The following PLPPR1 variants were observed in gnomAD, a reference collection of about 807,000 sequenced individuals.
The protein encoded by PLPPR1 is phospholipid phosphatase-related protein type 1.
Under a neutral mutation model 33.1 loss-of-function variants are expected in PLPPR1, and 10 were observed. That is an observed-to-expected ratio of 0.30 (90% CI 0.19 to 0.51). PLPPR1 has a LOEUF of 0.51. Among genes scored for constraint, PLPPR1 ranks in the 20% least tolerant of loss-of-function variants. The pLI is 0.97. For synonymous variants in PLPPR1, 151 were observed against 151.0 expected (o/e 1.00, Z 0.00); for missense variants, 304 against 408.1 (o/e 0.74, Z 2.20).
At chr9:101,290,849 G>C (rs566510297) in intron 4 of PLPPR1, among the ~76,000 whole-genome samples, 2 of 152,222 alleles carry the variant, frequency 1.3e-5, no homozygotes, top group Admixed American at 6.5e-5. Context: ...AGCTCTCAGC[G>C]TGAGTGACGC....
chr9:101,130,203 A>C (rs1253680937), intron 1 of PLPPR1, among the ~76,000 whole-genome samples: 1 of 152,208 alleles, frequency 6.6e-6, no homozygotes, highest in African/African-American at 2.4e-5. Flanking sequence ...AAAAGCAAAA[A>C]AAATTTGTAC....
At chr9:101,249,221 T>C (rs1271843438) in intron 2 of PLPPR1, among the ~76,000 whole-genome samples, 2 of 152,104 alleles carry the variant, frequency 1.3e-5, no homozygotes, top group Non-Finnish European at 2.9e-5. Flanking sequence ...CTAGATTGCC[T>C]CTTGTGTGCC....
chr9:101,084,724 C>T (rs1312803904), intron 1 of PLPPR1, among the ~76,000 whole-genome samples: 6 of 152,134 alleles, frequency 3.9e-5, no homozygotes, highest in Admixed American at 3.3e-4. Flanking sequence ...TGACTAGGTA[C>T]TAAGCATAAA....
chr9:101,316,455 A>G (rs60575670), intron 6 of PLPPR1, among the ~76,000 whole-genome samples: 6 of 151,976 alleles, frequency 3.9e-5, no homozygotes, highest in African/African-American at 1.4e-4. Flanking sequence ...AGAAAAAAGA[A>G]AAAAGCTGAG....
chr9:101,278,032 C>T (rs1050029500), intron 3 of PLPPR1, among the ~76,000 whole-genome samples: 2 of 152,168 alleles, frequency 1.3e-5, no homozygotes, highest in African/African-American at 4.8e-5. Context: ...AGCCCGCATT[C>T]AGGAAACAGC....
chr9:101,187,400 C>T (rs1163182859), intron 2 of PLPPR1: 1 of 151,910 alleles, frequency 6.6e-6, no homozygotes, highest in Non-Finnish European at 1.5e-5. Flanking sequence ...TAAATTAGTT[C>T]TTCTGTAGCT....
chr9:101,062,689 G>A (rs1830361158), intron 1 of PLPPR1, among the ~76,000 whole-genome samples: 1 of 152,012 alleles, frequency 6.6e-6, no homozygotes, highest in African/African-American at 2.4e-5. Flanking sequence ...CCTGAAATTT[G>A]TTTTTTGTCT....
chr9:101,215,571 C>T (rs1416536386), intron 2 of PLPPR1, among the ~76,000 whole-genome samples: 2 of 152,126 alleles, frequency 1.3e-5, no homozygotes, highest in African/African-American at 4.8e-5. Context: ...GCCCAGCTGG[C>T]CTCATTCATT....
At chr9:101,030,141 G>A (rs1366835342) in intron 1 of PLPPR1, among the ~76,000 whole-genome samples, 2 of 151,960 alleles carry the variant, frequency 1.3e-5, no homozygotes, top group Non-Finnish European at 2.9e-5. Flanking sequence ...TACTACTGGG[G>A]CGGGATCTCA....
intron 2 of PLPPR1, among the ~76,000 whole-genome samples, chr9:101,208,337 G>T (rs570086359): frequency 6.6e-6 from 1 of 152,278 alleles, no homozygotes; most frequent in South Asian, 2.1e-4. Flanking sequence ...CACACATGGA[G>T]AATGTCTCTT....
chr9:101,308,977 G>C (rs375771586), intron 4 of PLPPR1, among the ~76,000 whole-genome samples: 6 of 152,254 alleles, frequency 3.9e-5, no homozygotes, highest in African/African-American at 1.4e-4. Flanking sequence ...GTTAGACTGT[G>C]CTTTTTCTAA....
chr9:101,106,090 G>C (rs937901111), intron 1 of PLPPR1, among the ~76,000 whole-genome samples: 1 of 151,406 alleles, frequency 6.6e-6, no homozygotes, highest in Non-Finnish European at 1.5e-5. Context: ...TGATGGTCTT[G>C]ACTCTTTATC....
intron 4 of PLPPR1, among the ~76,000 whole-genome samples, chr9:101,290,286 A>T (rs566426206): frequency 6.6e-6 from 1 of 152,192 alleles, no homozygotes; most frequent in Non-Finnish European, 1.5e-5. Flanking sequence ...GAAAATGACA[A>T]CTGTTTCCAC....
intron 2 of PLPPR1, among the ~76,000 whole-genome samples, chr9:101,208,646 G>A (rs541815654): frequency 3.4e-3 from 518 of 152,262 alleles, no homozygotes; most frequent in Middle Eastern, 0.014. Context: ...CCTTGGGGTA[G>A]AATAAATTAA....
chr9:101,263,911 TCTTCCTTCTCTCTC>T (rs1827943195), intron 2 of PLPPR1, among the ~76,000 whole-genome samples: 1 of 152,064 alleles, frequency 6.6e-6, no homozygotes, highest in African/African-American at 2.4e-5. Flanking sequence ...CTCCCTCTCT[TCTTCCTTCTCTCTC>T]CTTCCTCCAC....
At chr9:101,231,662 A>G (rs1827189510) in intron 2 of PLPPR1, among the ~76,000 whole-genome samples, 1 of 152,104 alleles carries the variant, frequency 6.6e-6, no homozygotes, top group African/African-American at 2.4e-5. Context: ...TTTACTACCC[A>G]GGGAATTCTC....
chr9:101,094,183 G>A (rs891262071), intron 1 of PLPPR1, among the ~76,000 whole-genome samples: 3 of 152,088 alleles, frequency 2.0e-5, no homozygotes, highest in African/African-American at 7.2e-5. Flanking sequence ...ACCTTCAGTG[G>A]CTCCCTATTA....
chr9:101,074,784 G>C (rs1007899248), intron 1 of PLPPR1, among the ~76,000 whole-genome samples: 3 of 151,876 alleles, frequency 2.0e-5, no homozygotes, highest in African/African-American at 7.3e-5. Context: ...TTATCAAGTG[G>C]TTACCCAGAA....
At chr9:101,195,718 G>A (rs1440303203) in intron 2 of PLPPR1, among the ~76,000 whole-genome samples, 1 of 152,106 alleles carries the variant, frequency 6.6e-6, no homozygotes, top group Admixed American at 6.5e-5. Context: ...TCCTCAATCT[G>A]CCACCTGCTT....
Sources: gnomAD v4.1 joint callset for allele counts (sites outside exome capture counted in the v4.1 genomes callset) on GRCh38, gnomAD v4.1.1 for gene constraint, MANE v1.5 for transcripts, NCBI Gene and HGNC (gene_info 2026-07-23, HGNC 2026-07-21) for gene names.